The following SRPK1 variants were observed in gnomAD, a reference collection of about 807,000 sequenced individuals.
SRPK1 encodes the protein SFRS protein kinase 1.
In SRPK1, 52 loss-of-function variants were observed where a neutral mutation model predicts 89.5. That is an observed-to-expected ratio of 0.58 (90% CI 0.46 to 0.73). SRPK1 has a LOEUF of 0.73. SRPK1 is among the 30% of genes least tolerant of loss of function. The pLI is 0.00. For synonymous variants in SRPK1, 255 were observed against 270.2 expected (o/e 0.94, Z 0.55); for missense variants, 603 against 780.6 (o/e 0.77, Z 2.71).
At chr6:35,913,493 C>CA (rs1326834527) in intron 2 of SRPK1, among the ~76,000 whole-genome samples, 1 of 151,428 alleles carries the variant, frequency 6.6e-6, no homozygotes, top group Non-Finnish European at 1.5e-5. Context: ...GACCCCGTCT[C>CA]AAAAAAAAGT....
intron 6 of SRPK1, among the ~76,000 whole-genome samples, chr6:35,886,210 A>G (rs1279607467): frequency 6.6e-6 from 1 of 151,560 alleles, no homozygotes; most frequent in Non-Finnish European, 1.5e-5. Context: ...CCTCTCCAGT[A>G]GCTGGGATTA....
In SRPK1 at chr6:35,892,687, A is replaced by G. The variant is rs576361962; in HGVS notation, c.75-1674T>C. Among the ~76,000 whole-genome samples, 1,023 of 126,586 alleles carry G rather than the reference A, an allele frequency of 8.1e-3. 11 individuals are homozygous for G. Among genetic ancestry groups the G allele is most frequent in the African/African-American group, 0.032 (959 of 29,800 alleles). The allele number at this position is 126,586 out of a possible 152,430, so 83.0% of individuals were successfully genotyped here. ...CAACAACAACAACAACAACAACAACAACGACAACAACACAAAACAAAACAA... is the reference window on the plus strand; with the variant it reads ...CAACAACAACAACAACAACAACAACGACGACAACAACACAAAACAAAACAA... On this transcript the variant is annotated intron_variant, in intron 2 of 15. Coordinates refer to ENST00000373825, the MANE Select transcript of SRPK1 (RefSeq NM_003137.5).
intron 2 of SRPK1, among the ~76,000 whole-genome samples, chr6:35,912,529 CA>C (rs534440432): frequency 5.1e-4 from 78 of 152,320 alleles, no homozygotes; most frequent in African/African-American, 1.8e-3. Context: ...ACAGTGCAAA[CA>C]TAACTTTTAT....
intron 13 of SRPK1, among the ~76,000 whole-genome samples, chr6:35,851,008 T>A (rs1334222725): frequency 6.6e-6 from 1 of 152,106 alleles, no homozygotes; most frequent in East Asian, 1.9e-4. Context: ...GTAATATGAT[T>A]TGATTAACAC....
chr6:35,856,211 TGAA>T (rs1769662732), intron 13 of SRPK1, among the ~76,000 whole-genome samples: 1 of 152,136 alleles, frequency 6.6e-6, no homozygotes, highest in Non-Finnish European at 1.5e-5. Context: ...TCTGAATACT[TGAA>T]GCTTGGGTGA....
At chr6:35,866,948 G>A (rs1037508661) in intron 12 of SRPK1, among the ~76,000 whole-genome samples, 2 of 152,094 alleles carry the variant, frequency 1.3e-5, no homozygotes, top group Admixed American at 6.6e-5. Flanking sequence ...CTTATAAGTG[G>A]GAGCTGCATA....
At chr6:35,896,513 C>A (rs1770629436) in intron 2 of SRPK1, among the ~76,000 whole-genome samples, 1 of 152,152 alleles carries the variant, frequency 6.6e-6, no homozygotes, top group African/African-American at 2.4e-5. Flanking sequence ...ATGGCACAAC[C>A]ACTTTGGAAA....
At chr6:35,864,490 T>C (rs932013797) in intron 12 of SRPK1, among the ~76,000 whole-genome samples, 2 of 152,120 alleles carry the variant, frequency 1.3e-5, no homozygotes, top group Non-Finnish European at 2.9e-5. Flanking sequence ...AAATCAAAGC[T>C]ACAAGAGCAT....
chr6:35,837,324 T>C (rs1432709825), intron 15 of SRPK1, among the ~76,000 whole-genome samples: 1 of 152,218 alleles, frequency 6.6e-6, no homozygotes, highest in Non-Finnish European at 1.5e-5. Context: ...TTACCTGCCC[T>C]TTGGTAGAGG....
intron 2 of SRPK1, among the ~76,000 whole-genome samples, chr6:35,899,500 T>C (rs1340464053): frequency 1.3e-5 from 2 of 152,192 alleles, no homozygotes; most frequent in East Asian, 1.9e-4. Context: ...TTTTGTTCAA[T>C]GGCATATCCT....
intron 2 of SRPK1, among the ~76,000 whole-genome samples, chr6:35,919,267 G>A (rs1285847657): frequency 2.0e-5 from 3 of 152,144 alleles, no homozygotes; most frequent in Non-Finnish European, 4.4e-5. Flanking sequence ...AGAGAAAATG[G>A]AGCAAGAGGT....
chr6:35,886,106 G>A (rs1416742096), intron 6 of SRPK1, among the ~76,000 whole-genome samples: 1 of 137,902 alleles, frequency 7.3e-6, no homozygotes, highest in African/African-American at 2.8e-5. Context: ...TTTAGACAGA[G>A]TCTGGCTCTG....
chr6:35,915,991 A>AAAAATAT (rs1433969114), intron 2 of SRPK1, among the ~76,000 whole-genome samples: 1 of 86,292 alleles, frequency 1.2e-5, no homozygotes. Flanking sequence ...AAAAAAAAAA[A>AAAAATAT]ATATATACAC....
At chr6:35,903,332 T>C (rs1258866734) in intron 2 of SRPK1, among the ~76,000 whole-genome samples, 1 of 152,006 alleles carries the variant, frequency 6.6e-6, no homozygotes, top group Non-Finnish European at 1.5e-5. Flanking sequence ...GCCAACCTGG[T>C]GAAACCCCAC....
chr6:35,880,719 C>CAAA (rs1364287123), intron 6 of SRPK1, among the ~76,000 whole-genome samples: 6 of 4,092 alleles, frequency 1.5e-3, no homozygotes, highest in African/African-American at 2.8e-3. Context: ...GACTCCATCT[C>CAAA]AAAAAAAAAA....
intron 14 of SRPK1, among the ~76,000 whole-genome samples, chr6:35,842,092 A>G (rs1390897822): frequency 6.6e-6 from 1 of 152,228 alleles, no homozygotes; most frequent in Non-Finnish European, 1.5e-5. Context: ...AAGGGAAAAA[A>G]GAATGCTAAA....
intron 2 of SRPK1, among the ~76,000 whole-genome samples, chr6:35,897,906 T>C (rs1371597725): frequency 1.3e-5 from 2 of 152,230 alleles, no homozygotes; most frequent in East Asian, 3.9e-4. Flanking sequence ...ATAGATTTAT[T>C]AGCTGCATAG....
chr6:35,879,861 C>T (rs910146571), intron 6 of SRPK1, among the ~76,000 whole-genome samples: 1 of 151,860 alleles, frequency 6.6e-6, no homozygotes, highest in African/African-American at 2.4e-5. Flanking sequence ...TGCTTGAACC[C>T]AGGAGTTCAA....
In SRPK1 at chr6:35,920,339, G is replaced by A. The variant is rs756249655; in HGVS notation, c.74+129C>T. ...TGGTTGCTGGAGAGCGACCCTCCGA[G>A]CTGCCCCGAGGCCATGTGGCTGCAG... On this transcript the variant is annotated intron_variant, in intron 2 of 15. Transcript: ENST00000373825. 5.2e-6 allele frequency: 5 copies of A among 959,212 alleles called. No homozygotes were observed. In the African/African-American group the frequency reaches 8.1e-5, roughly 16 times the overall value. The allele number at this position is 959,212 out of a possible 1,614,324, so 59.4% of individuals were successfully genotyped here. A position where few individuals can be genotyped will look rare whatever the true frequency, so the allele number is the denominator to read the frequency against.
Sources: gnomAD v4.1 joint callset for allele counts (sites outside exome capture counted in the v4.1 genomes callset) on GRCh38, gnomAD v4.1.1 for gene constraint, MANE v1.5 for transcripts, NCBI Gene and HGNC (gene_info 2026-07-23, HGNC 2026-07-21) for gene names.